Variants in LRIG1 observed in about 807,000 individuals in gnomAD.
The protein encoded by LRIG1 is leucine rich repeats and immunoglobulin like domains 1.
A neutral mutation model predicts 99.2 loss-of-function variants in LRIG1; 48 were observed. The ratio of observed to expected loss-of-function variants is 0.48; its 90% CI spans 0.38 to 0.62. The LOEUF is 0.62. LRIG1 is among the 20% of genes least tolerant of loss of function. The pLI is 0.00. For missense variants in LRIG1, 1,646 were observed against 1,434.4 expected (o/e 1.15, Z -2.38); for synonymous variants, 772 against 596.1 (o/e 1.29, Z -4.30).
intron 3 of LRIG1, among the ~76,000 whole-genome samples, chr3:66,436,331 C>T (rs186612044): frequency 1.3e-3 from 205 of 152,290 alleles, no homozygotes; most frequent in African/African-American, 4.6e-3. Flanking sequence ...GTGCTGGGTG[C>T]AGGCAAGCTC....
intron 3 of LRIG1, among the ~76,000 whole-genome samples, chr3:66,419,029 T>C (rs1327014813): frequency 6.6e-6 from 1 of 152,154 alleles, no homozygotes; most frequent in African/African-American, 2.4e-5. Context: ...ACCTTTATTA[T>C]GTAAAGTATG....
intron 3 of LRIG1, among the ~76,000 whole-genome samples, chr3:66,441,715 C>T (rs1703546643): frequency 6.6e-6 from 1 of 152,176 alleles, no homozygotes; most frequent in African/African-American, 2.4e-5. Flanking sequence ...CAAGGCTTCC[C>T]ACACCTAGTA....
chr3:66,388,309 T>C (rs1207056406), intron 12 of LRIG1, among the ~76,000 whole-genome samples: 3 of 151,608 alleles, frequency 2.0e-5, no homozygotes, highest in African/African-American at 4.9e-5. Context: ...CAACTGAGAT[T>C]ATGTAGTCTG....
intron 1 of LRIG1, among the ~76,000 whole-genome samples, chr3:66,486,387 C>T (rs931195735): frequency 2.6e-5 from 4 of 152,126 alleles, no homozygotes; most frequent in African/African-American, 7.2e-5. Context: ...CGTCATGAAC[C>T]GCACAGCTGC....
chr3:66,412,752 A>C (rs1702509581), intron 6 of LRIG1, 119 bp downstream of exon 6: 1 of 1,182,370 alleles, frequency 8.5e-7, no homozygotes, highest in Non-Finnish European at 1.2e-6. Flanking sequence ...GGGCGCACAC[A>C]CCCAACACAC....
intron 3 of LRIG1, among the ~76,000 whole-genome samples, chr3:66,443,813 A>G (rs1435255400): frequency 6.6e-6 from 1 of 152,174 alleles, no homozygotes; most frequent in Non-Finnish European, 1.5e-5. Context: ...TCCACCATGA[A>G]CCAGCTGAGA....
At chr3:66,448,919 A>G (rs1703811577) in intron 3 of LRIG1, among the ~76,000 whole-genome samples, 2 of 152,208 alleles carry the variant, frequency 1.3e-5, no homozygotes, top group African/African-American at 2.4e-5. Flanking sequence ...CAGGGACACA[A>G]AAAGTGCCTA....
At chr3:66,479,497 C>T (rs968890949) in intron 1 of LRIG1, among the ~76,000 whole-genome samples, 3 of 152,150 alleles carry the variant, frequency 2.0e-5, no homozygotes, top group African/African-American at 7.2e-5. Flanking sequence ...ACTCTTCTCG[C>T]CTGAGGAAGA....
chr3:66,414,847 C>T (rs978243963), intron 5 of LRIG1, 73 bp downstream of exon 5: 17 of 1,402,480 alleles, frequency 1.2e-5, no homozygotes, highest in African/African-American at 4.3e-5. Context: ...GCGTTTGGTA[C>T]GAGGTCCTTG....
intron 1 of LRIG1, among the ~76,000 whole-genome samples, chr3:66,481,656 T>C (rs1700854688): frequency 6.6e-6 from 1 of 152,216 alleles, no homozygotes; most frequent in Non-Finnish European, 1.5e-5. Flanking sequence ...GACCTGGCAT[T>C]TCTTTCCCTT....
At chr3:66,440,198 A>G (rs545295808) in intron 3 of LRIG1, among the ~76,000 whole-genome samples, 119 of 152,236 alleles carry the variant, frequency 7.8e-4, no homozygotes, top group African/African-American at 2.7e-3. Context: ...AAAAACCACC[A>G]CAACGCCTGG....
chr3:66,401,731 T>G, intron 9 of LRIG1: 2 of 1,302,338 alleles, frequency 1.5e-6, no homozygotes, highest in Non-Finnish European at 2.1e-6. Flanking sequence ...AGGACACTAT[T>G]TCTGTACCAC....
intron 1 of LRIG1, among the ~76,000 whole-genome samples, chr3:66,474,701 C>T (rs2106876743): frequency 6.6e-6 from 1 of 152,242 alleles, no homozygotes. Flanking sequence ...TGTCCCCTCC[C>T]CAACCATCCC....
chr3:66,404,163 A>T (rs897480800), intron 9 of LRIG1: 40 of 1,005,522 alleles, frequency 4.0e-5, no homozygotes, highest in Non-Finnish European at 5.3e-5. Flanking sequence ...ACCCTTGTAT[A>T]TAAAAGGTGC....
intron 3 of LRIG1, among the ~76,000 whole-genome samples, chr3:66,428,873 C>G (rs1703064989): frequency 6.6e-6 from 1 of 152,202 alleles, no homozygotes; most frequent in Non-Finnish European, 1.5e-5. Context: ...CTTGCTTGTT[C>G]CCTCTCTCTT....
At chr3:66,388,803 T>C (rs887093247) in intron 12 of LRIG1, among the ~76,000 whole-genome samples, 1 of 152,230 alleles carries the variant, frequency 6.6e-6, no homozygotes, top group Non-Finnish European at 1.5e-5. Flanking sequence ...TGTTTTTATT[T>C]TAAACACACA....
chr3:66,442,321 C>T (rs1481715476), intron 3 of LRIG1, among the ~76,000 whole-genome samples: 1 of 152,184 alleles, frequency 6.6e-6, no homozygotes, highest in Non-Finnish European at 1.5e-5. Flanking sequence ...ACAATAGGCC[C>T]TGCCTTCTCT....
chr3:66,404,464 G>A, intron 9 of LRIG1: 3 of 1,125,552 alleles, frequency 2.7e-6, no homozygotes, highest in Non-Finnish European at 3.3e-6. Flanking sequence ...GAAAGTGCTG[G>A]TTACACGCAG....
At chr3:66,479,438 T>C (rs1450562424) in intron 1 of LRIG1, among the ~76,000 whole-genome samples, 1 of 152,202 alleles carries the variant, frequency 6.6e-6, no homozygotes, top group Non-Finnish European at 1.5e-5. Flanking sequence ...GGGCAAGTTA[T>C]GAGGCATTAC....
Sources: allele counts gnomAD v4.1 joint callset (sites outside exome capture counted in the v4.1 genomes callset), GRCh38; gene constraint gnomAD v4.1.1; transcripts MANE v1.5; gene names NCBI Gene and HGNC (gene_info 2026-07-23, HGNC 2026-07-21).